The following KCNC4 variants were observed in gnomAD, a reference collection of about 807,000 sequenced individuals.
The protein encoded by KCNC4 is potassium voltage-gated channel subfamily C member 4, also known as voltage-gated potassium channel KCNC4.
Under a neutral mutation model 42.8 loss-of-function variants are expected in KCNC4, and 23 were observed. The observed-to-expected ratio is 0.54, with a 90% confidence interval of 0.39 to 0.76. The LOEUF (loss-of-function observed/expected upper bound fraction) is 0.76, where lower values mean the gene tolerates loss of function less well. Among genes scored for constraint, KCNC4 ranks in the 30% least tolerant of loss-of-function variants. KCNC4 has a pLI of 0.00. For missense variants in KCNC4, 751 were observed against 898.2 expected, an observed-to-expected ratio of 0.84 and a Z score of 2.10; for synonymous variants, 422 against 393.5, an observed-to-expected ratio of 1.07 and a Z score of -0.86.
chr1:110,274,954 C>T (rs773259709), intron 1 of KCNC4, among the ~76,000 whole-genome samples: 11 of 152,118 alleles, frequency 7.2e-5, no homozygotes, highest in African/African-American at 2.7e-4. Flanking sequence ...TTGGTCTAGG[C>T]GAAGAATTCA....
At chr1:110,257,641 A>G (rs1201360065) in intron 1 of KCNC4, among the ~76,000 whole-genome samples, 1 of 150,548 alleles carries the variant, frequency 6.6e-6, no homozygotes, top group Non-Finnish European at 1.5e-5. Context: ...GAATGGCGTG[A>G]ACCCAGAAGG....
intron 1 of KCNC4, among the ~76,000 whole-genome samples, chr1:110,218,868 G>C (rs1657945950): frequency 6.6e-6 from 1 of 152,126 alleles, no homozygotes; most frequent in Non-Finnish European, 1.5e-5. Context: ...CAGGACACAG[G>C]AGCCCAGGGG....
rs751618642 is a variant in KCNC4 at position 110,211,694 on chromosome 1, G to A, written c.195G>A (p.Leu65=). Residue 65 remains leucine (L), a synonymous_variant, in exon 1 of 4, where the codon CTG becomes CTA. Transcript: ENST00000438661. This position sits in a 1 kb window ranked among gnomAD's most constrained non-coding sequence, Gnocchi z 6.5. ...TACCGGGAACCCGCCTCGCCTGGCT[G>A]GCCGACCCCGACGGCGGGGGCCGGC... ...RTLPGTRLAW[L]ADPDGGGRPE... The A allele has an allele frequency of 6.8e-6, 11 of 1,610,462 alleles. No individual in the cohort carries two copies. In the South Asian group the frequency reaches 1.1e-4, roughly 16 times the overall value.
At chr1:110,265,168 A>G (rs796530120) in intron 1 of KCNC4, among the ~76,000 whole-genome samples, 50 of 151,670 alleles carry the variant, frequency 3.3e-4, no homozygotes, top group African/African-American at 1.0e-3. Context: ...TATTGATGCT[A>G]TACTAGTAAC....
chr1:110,231,908 G>C (rs1031949976), intron 3 of KCNC4, among the ~76,000 whole-genome samples: 1 of 152,160 alleles, frequency 6.6e-6, no homozygotes. Context: ...CCGAAGCCCA[G>C]GATGGAAGCT....
chr1:110,269,446 T>C (rs761774540), intron 1 of KCNC4, among the ~76,000 whole-genome samples: 2 of 152,220 alleles, frequency 1.3e-5, no homozygotes, highest in Non-Finnish European at 2.9e-5. Context: ...GAGTCTGGCT[T>C]CTTTCACTCA....
intron 1 of KCNC4, among the ~76,000 whole-genome samples, chr1:110,272,111 G>A (rs2101086819): frequency 6.6e-6 from 1 of 152,316 alleles, no homozygotes; most frequent in South Asian, 2.1e-4. Context: ...GTCTTGGATT[G>A]TAAGCCCTAC....
intron 1 of KCNC4, among the ~76,000 whole-genome samples, chr1:110,217,271 G>T (rs906587937): frequency 6.6e-6 from 1 of 152,186 alleles, no homozygotes; most frequent in African/African-American, 2.4e-5. Context: ...ACCTCTACGT[G>T]GGATGAGGTG....
chr1:110,261,196 G>T (rs974557454), intron 1 of KCNC4, among the ~76,000 whole-genome samples: 1 of 152,088 alleles, frequency 6.6e-6, no homozygotes, highest in Non-Finnish European at 1.5e-5. Context: ...AAACATATGC[G>T]TGAATCCTTT....
chr1:110,226,668 A>C (rs1445893323), intron 3 of KCNC4, among the ~76,000 whole-genome samples: 1 of 152,204 alleles, frequency 6.6e-6, no homozygotes, highest in Non-Finnish European at 1.5e-5. Flanking sequence ...GGGGTCCTGG[A>C]GCACAGGATG....
downstream of KCNC4, chr1:110,237,176 G>A (rs971553610): frequency 3.9e-5 from 6 of 152,146 alleles, no homozygotes; most frequent in Admixed American, 6.5e-5. Flanking sequence ...AATTAGCCAG[G>A]TGTGATGGCA....
At chr1:110,251,453 T>C (rs1659250312), downstream of KCNC4, among the ~76,000 whole-genome samples, 1 of 152,136 alleles carries the variant, frequency 6.6e-6, no homozygotes, top group Admixed American at 6.5e-5. Context: ...ATGTCTTTGC[T>C]CCTCCTTCAC....
At chr1:110,237,673 G>A (rs780274692), downstream of KCNC4, 6 of 152,230 alleles carry the variant, frequency 3.9e-5, no homozygotes, top group Non-Finnish European at 8.8e-5. Flanking sequence ...GTTAGTGGTG[G>A]AGGCAGGTCC....
chr1:110,276,834 A>G (rs1659736088), intron 1 of KCNC4, among the ~76,000 whole-genome samples: 1 of 152,212 alleles, frequency 6.6e-6, no homozygotes, highest in Non-Finnish European at 1.5e-5. Context: ...TCACCAAGCC[A>G]AAAACAAACT....
intron 1 of KCNC4, among the ~76,000 whole-genome samples, chr1:110,275,549 T>C (rs1659703183): frequency 6.6e-6 from 1 of 152,198 alleles, no homozygotes; most frequent in African/African-American, 2.4e-5. Flanking sequence ...ATAAAAAAGA[T>C]ACTTGCATTT....
At chr1:110,270,663 G>T (rs542221932) in intron 1 of KCNC4, among the ~76,000 whole-genome samples, 98 of 152,318 alleles carry the variant, frequency 6.4e-4, no homozygotes, top group Middle Eastern at 3.4e-3. Flanking sequence ...TGGTTGTGAG[G>T]AAGATAAATA....
downstream of KCNC4, chr1:110,234,825 A>C (rs1199713970): frequency 2.0e-5 from 3 of 152,140 alleles, no homozygotes; most frequent in Non-Finnish European, 4.4e-5. Flanking sequence ...TACTCTGGGC[A>C]TCTGTGTAGG....
intron 1 of KCNC4, among the ~76,000 whole-genome samples, chr1:110,265,083 GA>G (rs34254003): frequency 0.62 from 69,993 of 113,302 alleles, 18,821 homozygotes; most frequent in African/African-American, 0.67. Flanking sequence ...CTCTGTCTCA[GA>G]AAAAAAAAAA....
At chr1:110,232,824 G>A in intron 3 of KCNC4, 87 bp from the exon 4 acceptor site, 1 of 1,551,380 alleles carries the variant, frequency 6.4e-7, no homozygotes, top group Non-Finnish European at 8.7e-7. Context: ...TTCTTTTGCT[G>A]AACTCCCTGT....
Sources: allele counts gnomAD v4.1 joint callset (sites outside exome capture counted in the v4.1 genomes callset), GRCh38; gene constraint gnomAD v4.1.1; non-coding constraint Gnocchi (gnomAD v3.1); transcripts MANE v1.5; gene names NCBI Gene and HGNC (gene_info 2026-07-23, HGNC 2026-07-21).